Variants in SFMBT2 observed in about 807,000 individuals in gnomAD.
The protein encoded by SFMBT2 is scm-like with four MBT domains protein 2.
SFMBT2 carries 38 observed loss-of-function variants against 110.1 expected under a neutral mutation model. That is an observed-to-expected ratio of 0.35 (90% CI 0.27 to 0.45). SFMBT2 has a LOEUF of 0.45. Ranked by LOEUF, SFMBT2 falls within the 20% of genes least tolerant of loss-of-function variation. The pLI is 1.00. For missense variants in SFMBT2, 1,011 were observed against 1,094.9 expected (o/e 0.92, Z 1.08); for synonymous variants, 425 against 425.4 (o/e 1.00, Z 0.01).
At chr10:7,267,112 TC>T (rs1841418322) in intron 7 of SFMBT2, among the ~76,000 whole-genome samples, 1 of 152,100 alleles carries the variant, frequency 6.6e-6, no homozygotes, top group South Asian at 2.1e-4. Flanking sequence ...ATGTGACCAG[TC>T]CCCAGTAAAA....
At chr10:7,222,395 C>T (rs1839770613) in intron 10 of SFMBT2, among the ~76,000 whole-genome samples, 1 of 152,184 alleles carries the variant, frequency 6.6e-6, no homozygotes. Context: ...GTTTAAGCAA[C>T]AAAAATTTAT....
At chr10:7,392,983 TTATATATATATATATA>T (rs760008467) in intron 1 of SFMBT2, among the ~76,000 whole-genome samples, 859 of 59,944 alleles carry the variant, frequency 0.014, 12 homozygotes, top group East Asian at 0.025. Flanking sequence ...TGTGGATAGA[TTATATATATATATATA>T]TATATATATA....
At chr10:7,345,424 T>G (rs1163731038) in intron 4 of SFMBT2, among the ~76,000 whole-genome samples, 1 of 152,144 alleles carries the variant, frequency 6.6e-6, no homozygotes, top group Non-Finnish European at 1.5e-5. Context: ...AGTGGCAGGA[T>G]CTCCACTCAC....
chr10:7,329,680 G>A (rs1349491531), intron 4 of SFMBT2: 2 of 192,542 alleles, frequency 1.0e-5, no homozygotes, highest in Non-Finnish European at 9.5e-6. Context: ...TGGCTGGGAA[G>A]GCCGGGACTG....
intron 15 of SFMBT2, among the ~76,000 whole-genome samples, chr10:7,189,414 C>T (rs1297976829): frequency 6.6e-6 from 1 of 152,024 alleles, no homozygotes; most frequent in Non-Finnish European, 1.5e-5. Flanking sequence ...CTAAGAGTTC[C>T]AGCTGCTGAC....
intron 12 of SFMBT2, chr10:7,204,869 A>C: frequency 4.3e-6 from 4 of 931,498 alleles, no homozygotes; most frequent in African/African-American, 1.8e-5. Flanking sequence ...GCGAAACTCC[A>C]TCTTTAAAAA....
chr10:7,213,290 T>C (rs992578305), intron 11 of SFMBT2, among the ~76,000 whole-genome samples: 4 of 152,052 alleles, frequency 2.6e-5, no homozygotes, highest in African/African-American at 7.2e-5. Flanking sequence ...TACTGTGTAT[T>C]AGGAGGAAGG....
At position 7,171,546 on chromosome 10, in the gene SFMBT2, G is replaced by A; in HGVS notation, c.2415+349C>T. On this transcript the variant is annotated intron_variant, in intron 19 of 20. Coordinates refer to ENST00000397167, the MANE Select transcript of SFMBT2 (RefSeq NM_001387889.1). This position sits in a 1 kb window ranked among gnomAD's most constrained non-coding sequence, Gnocchi z 4.9. ...GAGGTGTCCTATAGAGGGGACGTGG[G>A]AGCAAGACACAGCGCAGTCAGGGGA... The A allele has an allele frequency of 3.0e-6, 3 of 985,420 alleles. No homozygotes were observed. The highest frequency in any genetic ancestry group is 3.6e-6 in the Non-Finnish European group (3 of 829,916). The allele number at this position is 985,420 out of a possible 1,614,324, so 61.0% of individuals were successfully genotyped here.
At position 7,158,624 on chromosome 10, in the gene SFMBT2, T is replaced by C. The variant is rs948453606; in HGVS notation, c.*5146A>G. On this transcript the variant is annotated 3_prime_UTR_variant, in exon 21 of 21. Transcript: ENST00000397167. ...CAACACAAAGACCCAAACACCACCA[T>C]AGAATTTATTTTTACTTTATTAACA... is the stretch of plus-strand genomic sequence containing the variant. The C allele has an allele frequency of 6.6e-5, 10 of 152,190 alleles. No homozygotes were observed. The highest frequency in any genetic ancestry group is 1.9e-4 in the East Asian group (1 of 5,198). 9.4% of individuals were successfully genotyped at this position (152,190 alleles called of 1,614,324 possible). A position where few individuals can be genotyped will look rare whatever the true frequency, so the allele number is the denominator to read the frequency against.
chr10:7,360,046 T>C (rs1844663811), intron 4 of SFMBT2, among the ~76,000 whole-genome samples: 1 of 152,230 alleles, frequency 6.6e-6, no homozygotes, highest in Non-Finnish European at 1.5e-5. Context: ...GTTCTGAGGA[T>C]TGACAGGATT....
rs938325549 is a variant in SFMBT2 at position 7,372,281 on chromosome 10, A to G, written c.101-1906T>C. ...CTCTCTTAATACTTTGTGTACTCTC[A>G]GAAATTGAGGGAAGAGGATCATTTT... On this transcript the variant is annotated intron_variant, in intron 2 of 20. Transcript: ENST00000397167. 3.3e-5 allele frequency among the ~76,000 whole-genome samples: 5 copies of G among 152,206 alleles called. No homozygotes were observed. The East Asian group carries it at 9.6e-4, about 29-fold the overall frequency.
intron 4 of SFMBT2, among the ~76,000 whole-genome samples, chr10:7,311,882 C>T (rs1351680729): frequency 1.3e-5 from 2 of 152,188 alleles, no homozygotes; most frequent in Admixed American, 6.5e-5. Flanking sequence ...ATTTGTAACT[C>T]ATTCAAATTC....
At chr10:7,241,492 G>C (rs950256099) in intron 9 of SFMBT2, 12 of 248,626 alleles carry the variant, frequency 4.8e-5, no homozygotes, top group African/African-American at 2.6e-4. Flanking sequence ...CAAGAGAAAG[G>C]AATGGTTTGG....
intron 15 of SFMBT2, among the ~76,000 whole-genome samples, chr10:7,192,824 G>A (rs373393352): frequency 3.1e-4 from 47 of 152,208 alleles, no homozygotes; most frequent in South Asian, 1.9e-3. Context: ...CCGGGGGTCC[G>A]GGGCACACCG....
chr10:7,236,371 T>A (rs1434719734), intron 9 of SFMBT2, among the ~76,000 whole-genome samples: 1 of 152,034 alleles, frequency 6.6e-6, no homozygotes, highest in Non-Finnish European at 1.5e-5. Flanking sequence ...AAAGAAAAAG[T>A]GACTCAACAA....
Position 7,284,086 on chromosome 10 carries a change from G to A in SFMBT2, c.590C>T (p.Ser197Phe), listed in dbSNP as rs1338382653. The change falls in exon 6 of 21, where the codon TCC becomes TTC. Residue 197 changes from serine (S) to phenylalanine (F), a missense_variant. Ser to Phe is a radical substitution (Grantham distance 155). This residue lies in a region of SFMBT2 where 979 missense variants were observed against 1,016.1 expected (regional missense o/e 0.96). Coordinates refer to ENST00000397167, the MANE Select transcript of SFMBT2 (RefSeq NM_001387889.1). ...TVGSLIELQDSQNPFQYWIVS... is the reference protein window; with the variant it reads ...TVGSLIELQDFQNPFQYWIVS... ...TATCCAGTACTGAAAAGGGTTCTGG[G>A]AATCCTGAAGTTCTATTAAGGAACC... 1.2e-6 allele frequency: 2 copies of A among 1,614,066 alleles called. No individual in the cohort carries two copies. The highest frequency in any genetic ancestry group is 1.7e-6 in the Non-Finnish European group (2 of 1,180,032).
chr10:7,273,266 G>C (rs1026246512), intron 7 of SFMBT2, among the ~76,000 whole-genome samples: 94 of 152,344 alleles, frequency 6.2e-4, no homozygotes, highest in African/African-American at 2.1e-3. Context: ...GCCAAAGTCA[G>C]CCAGACCAAG....
At chr10:7,269,398 C>T (rs79336188) in intron 7 of SFMBT2, among the ~76,000 whole-genome samples, 3 of 152,280 alleles carry the variant, frequency 2.0e-5, no homozygotes, top group African/African-American at 7.2e-5. Flanking sequence ...CACATCCCCC[C>T]AACGTGAGCA....
chr10:7,372,967 TCTG>T (rs1845101824), intron 2 of SFMBT2, among the ~76,000 whole-genome samples: 1 of 152,216 alleles, frequency 6.6e-6, no homozygotes, highest in Non-Finnish European at 1.5e-5. Context: ...TCCTAAGAGC[TCTG>T]CTGTGTTCGA....
Sources: allele counts gnomAD v4.1 joint callset (sites outside exome capture counted in the v4.1 genomes callset), GRCh38; gene constraint gnomAD v4.1.1; regional missense constraint gnomAD v4.1.1; non-coding constraint Gnocchi (gnomAD v3.1); transcripts MANE v1.5; gene names NCBI Gene and HGNC (gene_info 2026-07-23, HGNC 2026-07-21).